CCNY: variants seen among roughly 807,000 people sequenced by gnomAD.
The protein encoded by CCNY is cyclin-Y.
In CCNY, 19 loss-of-function variants were observed where a neutral mutation model predicts 42.8. The ratio of observed to expected loss-of-function variants is 0.44; its 90% CI spans 0.31 to 0.65. The LOEUF is 0.65. Ranked by LOEUF, CCNY falls within the 30% of genes least tolerant of loss-of-function variation. The probability of loss-of-function intolerance (pLI) is 0.07; values close to 1 mark genes in which losing one functional copy is unlikely to be tolerated. For missense variants in CCNY, 370 were observed against 437.3 expected, an observed-to-expected ratio of 0.85 and a Z score of 1.37; for synonymous variants, 165 against 162.7, an observed-to-expected ratio of 1.01 and a Z score of -0.11.
chr10:35,363,118 G>A (rs1186313001), intron 1 of CCNY, among the ~76,000 whole-genome samples: 3 of 150,644 alleles, frequency 2.0e-5, no homozygotes, highest in African/African-American at 4.9e-5. Context: ...TGAGGTGGCC[G>A]GCAGAGGCAC....
intron 3 of CCNY, among the ~76,000 whole-genome samples, chr10:35,280,511 AGT>A (rs1835288876): frequency 6.8e-6 from 1 of 147,122 alleles, no homozygotes; most frequent in African/African-American, 2.6e-5. Flanking sequence ...AGGAAGGAAG[AGT>A]CTTTTCAACA....
chr10:35,374,399 A>T (rs1349067230), intron 1 of CCNY, among the ~76,000 whole-genome samples: 1 of 152,228 alleles, frequency 6.6e-6, no homozygotes, highest in African/African-American at 2.4e-5. Flanking sequence ...TGACAAACCA[A>T]TATAAATGTT....
intron 3 of CCNY, among the ~76,000 whole-genome samples, chr10:35,297,055 A>C (rs1835479117): frequency 6.6e-6 from 1 of 152,160 alleles, no homozygotes; most frequent in Non-Finnish European, 1.5e-5. Flanking sequence ...ATCCTTAACA[A>C]AACACTGGCA....
intron 3 of CCNY, among the ~76,000 whole-genome samples, chr10:35,292,787 T>TG (rs1378448997): frequency 4.1e-5 from 6 of 147,260 alleles, no homozygotes; most frequent in Admixed American, 1.4e-4. Flanking sequence ...TTTTGTTTTT[T>TG]TTTTTTTTTT....
intron 1 of CCNY, among the ~76,000 whole-genome samples, chr10:35,454,537 C>T (rs1314532390): frequency 6.6e-6 from 1 of 152,224 alleles, no homozygotes; most frequent in African/African-American, 2.4e-5. Flanking sequence ...AGTTTTCCAT[C>T]AGCAGAGGAG....
At chr10:35,422,760 T>C (rs974418762) in intron 1 of CCNY, among the ~76,000 whole-genome samples, 3 of 152,250 alleles carry the variant, frequency 2.0e-5, no homozygotes, top group Non-Finnish European at 4.4e-5. Flanking sequence ...AATTGTGCCA[T>C]TTAAATGAAA....
chr10:35,355,264 T>A (rs2135144766), intron 1 of CCNY, among the ~76,000 whole-genome samples: 1 of 152,350 alleles, frequency 6.6e-6, no homozygotes, highest in East Asian at 1.9e-4. Context: ...TTTTCTCAAA[T>A]ATATATTTTT....
intron 1 of CCNY, chr10:35,449,622 A>G: frequency 8.6e-6 from 2 of 232,890 alleles, no homozygotes; most frequent in Non-Finnish European, 1.4e-5. Context: ...TGGGAAATGC[A>G]TGATGCAGGA....
rs907795197 is a variant in CCNY, at chr10:35,459,868, G to A, written c.155-23536G>A. Among the ~76,000 whole-genome samples, 4 of 152,138 alleles carry A rather than the reference G, an allele frequency of 2.6e-5. No individual in the cohort carries two copies. The South Asian group carries it at 6.2e-4, about 24-fold the overall frequency. On this transcript the variant is annotated intron_variant, in intron 1 of 9. Transcript: ENST00000374704. ...GGGTACTTGGGGGGAATACATACTTGGAGGGAGTACTTTATACCAGGACTA... is the reference window on the plus strand; with the variant it reads ...GGGTACTTGGGGGGAATACATACTTAGAGGGAGTACTTTATACCAGGACTA...
intron 1 of CCNY, among the ~76,000 whole-genome samples, chr10:35,476,899 T>C (rs1564426332): frequency 6.6e-6 from 1 of 151,670 alleles, no homozygotes. Flanking sequence ...GCAAGACTAA[T>C]AAAGAAGAAA....
At chr10:35,259,453 T>C (rs1317635050) in intron 3 of CCNY, among the ~76,000 whole-genome samples, 2 of 150,554 alleles carry the variant, frequency 1.3e-5, no homozygotes, top group Admixed American at 6.7e-5. Context: ...CTTCACAAAG[T>C]GCTGGGATTA....
chr10:35,467,029 A>G (rs373418455), intron 1 of CCNY, among the ~76,000 whole-genome samples: 7 of 152,346 alleles, frequency 4.6e-5, no homozygotes, highest in Admixed American at 2.0e-4. Flanking sequence ...AGGATTGATA[A>G]TTCTGTGAGC....
At chr10:35,415,355 T>C (rs1003672003) in intron 1 of CCNY, among the ~76,000 whole-genome samples, 1 of 151,256 alleles carries the variant, frequency 6.6e-6, no homozygotes, top group African/African-American at 2.4e-5. Flanking sequence ...TTGTAGGCCT[T>C]GGATAGATGG....
chr10:35,326,963 T>C (rs926169906), intron 3 of CCNY, among the ~76,000 whole-genome samples: 1 of 152,208 alleles, frequency 6.6e-6, no homozygotes, highest in African/African-American at 2.4e-5. Flanking sequence ...TAACCACGTA[T>C]GAAGTGTCTT....
intron 1 of CCNY, among the ~76,000 whole-genome samples, chr10:35,430,754 G>A (rs561185981): frequency 1.3e-5 from 2 of 152,264 alleles, no homozygotes; most frequent in Non-Finnish European, 1.5e-5. Context: ...TAACTATGTA[G>A]GTGGGCATAA....
At chr10:35,352,937 C>CT (rs1327476294) in intron 1 of CCNY, among the ~76,000 whole-genome samples, 12 of 152,154 alleles carry the variant, frequency 7.9e-5, no homozygotes, top group Non-Finnish European at 1.5e-4. Flanking sequence ...TTCTTTCTTT[C>CT]TTTTTTGAGA....
chr10:35,490,891 A>G (rs370801000), intron 2 of CCNY, among the ~76,000 whole-genome samples: 36 of 152,320 alleles, frequency 2.4e-4, no homozygotes, highest in African/African-American at 8.2e-4. Context: ...TGGTTCCTGC[A>G]TCACACCTCA....
At chr10:35,467,061 T>C (rs1337557253) in intron 1 of CCNY, among the ~76,000 whole-genome samples, 2 of 152,254 alleles carry the variant, frequency 1.3e-5, no homozygotes, top group Non-Finnish European at 2.9e-5. Context: ...CTGTTGTGTT[T>C]ACTGCTGTGT....
chr10:35,394,554 ACGGCCGGCTT>A lies in CCNY; in HGVS notation c.154+57349_154+57358del. The stretch of plus-strand genomic sequence containing the variant: ...TCTGAAGTTGAAGTGTATGGGTCAC[ACGGCCGGCTT>A]CAAGGCATTGTTTGGACCGGTCAGA... On this transcript the variant is annotated intron_variant, in intron 1 of 9. Transcript: ENST00000374704. Among the ~76,000 whole-genome samples the A allele has an allele frequency of 1.3e-5, 2 of 152,206 alleles. 1 individual carries two copies. The highest frequency in any genetic ancestry group is 2.9e-5 in the Non-Finnish European group (2 of 68,038).
Sources: gnomAD v4.1 joint callset for allele counts (sites outside exome capture counted in the v4.1 genomes callset) on GRCh38, gnomAD v4.1.1 for gene constraint, MANE v1.5 for transcripts, NCBI Gene and HGNC (gene_info 2026-07-23, HGNC 2026-07-21) for gene names.